NLRC5: variants seen among roughly 807,000 people sequenced by gnomAD.
The protein encoded by NLRC5 is NLR family CARD domain containing 5.
A neutral mutation model predicts 206.9 loss-of-function variants in NLRC5; 114 were observed. The ratio of observed to expected loss-of-function variants is 0.55; its 90% CI spans 0.47 to 0.64. The LOEUF (loss-of-function observed/expected upper bound fraction) is 0.64, where lower values mean the gene tolerates loss of function less well. NLRC5 is among the 30% of genes least tolerant of loss of function. NLRC5 has a pLI of 0.00. For synonymous variants in NLRC5, 952 were observed against 962.8 expected (o/e 0.99, Z 0.21); for missense variants, 2,008 against 2,305.5 (o/e 0.87, Z 2.64).
chr16:57,077,992 G>A lies in NLRC5; in HGVS notation c.5053G>A (p.Glu1685Lys). The A allele has an allele frequency of 6.2e-7, 1 of 1,610,812 alleles. No homozygotes were observed. Among genetic ancestry groups the A allele is most frequent in the South Asian group, 1.1e-5 (1 of 90,750 alleles). ...TCCCACAGCCCTGGGGCTGGCTCAG[G>A]AGCTGCCCCAGCACCTGAGGGTCCT... ...GDPTALGLAQ[E>K]LPQHLRVLHL... is the part of the protein sequence containing the mutation. Residue 1685 changes from glutamate (E) to lysine (K), a missense_variant, in exon 43 of 49, where the codon GAG becomes AAG. Physicochemically the swap from Glu to Lys is moderately conservative, Grantham distance 56 (BLOSUM62 1). Transcript: ENST00000688547.
At position 57,079,622 on chromosome 16, in the gene NLRC5, G is replaced by T. The variant is rs770542344; in HGVS notation, c.5314G>T (p.Val1772Leu). Reference sequence around the variant, plus strand: ...CTTCACGAGCTGCCCTGCCCTGGAAGTAATCTTGTGAGTGATTGGAAGAGC... The same window carrying T: ...CTTCACGAGCTGCCCTGCCCTGGAATTAATCTTGTGAGTGATTGGAAGAGC... ...SSFTSCPALEVILLSWNLLGD... is the reference protein window; with the variant it reads ...SSFTSCPALELILLSWNLLGD... The change falls in exon 46 of 49, where the codon GTA (valine) becomes TTA (leucine). Residue 1772 changes from valine (V) to leucine (L), a missense_variant. By Grantham distance (32) the Val-to-Leu change is conservative. Coordinates refer to ENST00000688547, the MANE Select transcript of NLRC5 (RefSeq NM_001384950.1). 6.2e-7 allele frequency: 1 copy of T among 1,613,844 alleles called. No individual in the cohort carries two copies. The highest frequency in any genetic ancestry group is 2.2e-5 in the East Asian group (1 of 44,874).
At chr16:57,030,408 A>ATGGT (rs1567563823) in intron 10 of NLRC5, among the ~76,000 whole-genome samples, 1 of 121,494 alleles carries the variant, frequency 8.2e-6, no homozygotes, top group Admixed American at 8.8e-5. Context: ...GGATGGATGG[A>ATGGT]TGGCTGAAAA....
rs1382259189 is a variant in NLRC5 at position 57,067,481 on chromosome 16, G to A, written c.4406+11G>A. 1 of 1,613,836 alleles carries A rather than the reference G, an allele frequency of 6.2e-7. No homozygotes were observed. On this transcript the variant is annotated intron_variant, in intron 35 of 48. Coordinates refer to ENST00000688547, the MANE Select transcript of NLRC5 (RefSeq NM_001384950.1). ...GCTGCAGCAGCTCAGGTCAGCGCCT[G>A]GAAACTCTGTGTGGGGCCCTGAGTT...
chr16:57,002,858 T>C (rs1405603998), intron 1 of NLRC5, among the ~76,000 whole-genome samples: 1 of 152,072 alleles, frequency 6.6e-6, no homozygotes, highest in Non-Finnish European at 1.5e-5. Context: ...TTGGCGAGGA[T>C]GGTCTCAATC....
intron 33 of NLRC5, 74 bp downstream of exon 33, chr16:57,065,372 T>A: frequency 2.8e-6 from 3 of 1,084,150 alleles, no homozygotes; most frequent in Non-Finnish European, 1.3e-6. Flanking sequence ...TGACCTTCCC[T>A]CATCCTGTGG....
chr16:57,030,399 G>GATGA (rs1440416382), intron 10 of NLRC5, among the ~76,000 whole-genome samples: 1 of 144,950 alleles, frequency 6.9e-6, no homozygotes, highest in Non-Finnish European at 1.5e-5. Context: ...TGGATGGATG[G>GATGA]ATGGATGGAT....
Position 57,058,996 on chromosome 16 carries a change from G to A in NLRC5, c.3855G>A (p.Gln1285=), listed in dbSNP as rs2066056553. The A allele has an allele frequency of 6.2e-7, 1 of 1,614,130 alleles. No homozygotes were observed. The highest frequency in any genetic ancestry group is 8.5e-7 in the Non-Finnish European group (1 of 1,180,002). Residue 1285 remains glutamine, a synonymous_variant, in exon 29 of 49, where the codon CAG becomes CAA. Coordinates refer to ENST00000688547, the MANE Select transcript of NLRC5 (RefSeq NM_001384950.1). ...LLDLSHNSIS[Q]ESALYLLETL... ...GTCTGAGTCACAACAGCATTTCTCA[G>A]GAAAGTGCCCTGTACCTGCTGGAGA...
At chr16:57,023,643 G>T (rs1361436961) in intron 4 of NLRC5, 142 bp from the exon 5 acceptor site, 12 of 608,868 alleles carry the variant, frequency 2.0e-5, no homozygotes, top group South Asian at 6.5e-5. Flanking sequence ...TCTGCCTGCT[G>T]CCTGCCTTTC....
In NLRC5 at chr16:57,077,023, A is replaced by T. The variant is rs1597459462; in HGVS notation, c.4835+121A>T. On this transcript the variant is annotated intron_variant, in intron 40 of 48. Coordinates refer to ENST00000688547, the MANE Select transcript of NLRC5 (RefSeq NM_001384950.1). The stretch of plus-strand genomic sequence containing the variant: ...TCTCATCTCCTTCACCCACTTCTAC[A>T]CTGTGTAAACAACCTGGGGCCTAGA... The T allele has an allele frequency of 3.4e-6, 3 of 873,060 alleles. No individual in the cohort carries two copies. In the East Asian group the frequency reaches 7.8e-5, roughly 23 times the overall value. The allele number at this position is 873,060 out of a possible 1,614,324, so 54.1% of individuals were successfully genotyped here. A position where few individuals can be genotyped will look rare whatever the true frequency, so the allele number is the denominator to read the frequency against.
intron 1 of NLRC5, among the ~76,000 whole-genome samples, chr16:57,014,840 G>T (rs541851701): frequency 6.6e-6 from 1 of 152,174 alleles, no homozygotes; most frequent in Admixed American, 6.5e-5. Context: ...TGCGCTTCCT[G>T]GTTTGCAGAC....
rs2062226414 is a variant in NLRC5, at chr16:57,034,196, G to T, written c.2572G>T (p.Asp858Tyr). ...GCAGAAGTGTCAGCTCCAGGTCCAC[G>T]ATGCGGAGGCCCTCATAGCCCTGCT... ...RLQKCQLQVH[D>Y]AEALIALLQE... The change falls in exon 13 of 49, where the codon GAT (aspartate) becomes TAT (tyrosine). Residue 858 changes from aspartate to tyrosine, a missense_variant. Physicochemically the swap from Asp to Tyr is radical, Grantham distance 160. Coordinates refer to ENST00000688547, the MANE Select transcript of NLRC5 (RefSeq NM_001384950.1). 1.9e-6 allele frequency: 3 copies of T among 1,614,136 alleles called. No individual in the cohort carries two copies. The highest frequency in any genetic ancestry group is 2.5e-6 in the Non-Finnish European group (3 of 1,179,996).
intron 1 of NLRC5, among the ~76,000 whole-genome samples, chr16:57,012,711 AATGAT>A: frequency 6.6e-6 from 1 of 152,240 alleles, no homozygotes; most frequent in African/African-American, 2.4e-5. Context: ...CCGGGGAAAA[AATGAT>A]CTCTCATGAA....
intron 11 of NLRC5, among the ~76,000 whole-genome samples, 200 bp from the exon 12 acceptor site, chr16:57,033,404 G>T (rs1224026258): frequency 6.6e-6 from 1 of 152,204 alleles, no homozygotes; most frequent in African/African-American, 2.4e-5. Context: ...TTTGAATAAA[G>T]GTTCCATTTG....
intron 22 of NLRC5, 47 bp from the exon 23 acceptor site, chr16:57,047,498 C>G: frequency 6.5e-7 from 1 of 1,534,214 alleles, no homozygotes; most frequent in Non-Finnish European, 8.9e-7. Context: ...TAGCCAGGGA[C>G]CCTGGGCTTT....
Position 57,062,059 on chromosome 16 carries a change from G to A in NLRC5, c.4154+358G>A, listed in dbSNP as rs1037344264. 4.5e-6 allele frequency: 6 copies of A among 1,319,628 alleles called. No homozygotes were observed. The African/African-American group carries it at 7.6e-5, about 17-fold the overall frequency. The allele number at this position is 1,319,628 out of a possible 1,614,324, so 81.7% of individuals were successfully genotyped here. Reference sequence around the variant, plus strand: ...ACACTCAGAAAAAGAAGATACCGAAGTAGAAAGAATAATTTTTTAAAACTC... The same window carrying A: ...ACACTCAGAAAAAGAAGATACCGAAATAGAAAGAATAATTTTTTAAAACTC... On this transcript the variant is annotated intron_variant, in intron 32 of 48. Transcript: ENST00000688547.
intron 5 of NLRC5, among the ~76,000 whole-genome samples, chr16:57,024,557 G>A (rs903078241): frequency 3.3e-5 from 5 of 152,174 alleles, no homozygotes; most frequent in Non-Finnish European, 7.3e-5. Context: ...GAATTAAAAG[G>A]TTAACATCTG....
At chr16:57,056,616 C>A (rs762649140) in intron 27 of NLRC5, among the ~76,000 whole-genome samples, 1 of 151,650 alleles carries the variant, frequency 6.6e-6, no homozygotes, top group African/African-American at 2.4e-5. Flanking sequence ...AGAAATATGT[C>A]TTTGAGTTTT....
chr16:57,076,844 G>A lies in NLRC5; in HGVS notation c.4777G>A (p.Val1593Ile). Residue 1593 changes from valine (V) to isoleucine (I), a missense_variant, in exon 40 of 49, where the codon GTC becomes ATC. Val to Ile is a conservative substitution (Grantham distance 29). Coordinates refer to ENST00000688547, the MANE Select transcript of NLRC5 (RefSeq NM_001384950.1). ...LRLNRNSIGDVGCCHLSEALR... is the reference protein window; with the variant it reads ...LRLNRNSIGDIGCCHLSEALR... The stretch of plus-strand genomic sequence containing the variant: ...ACTGAACAGGAACAGTATCGGTGAT[G>A]TCGGTTGCTGCCACCTTTCTGAGGC... The A allele has an allele frequency of 6.2e-6, 10 of 1,614,124 alleles. No homozygotes were observed. Among genetic ancestry groups the A allele is most frequent in the Non-Finnish European group, 8.5e-6 (10 of 1,180,042 alleles).
At position 57,024,102 on chromosome 16, in the gene NLRC5, C is replaced by G. The variant is rs117888608; in HGVS notation, c.424+249C>G. Among the ~76,000 whole-genome samples the G allele has an allele frequency of 1.3e-4, 20 of 152,350 alleles. 1 individual carries two copies. In the East Asian group the frequency reaches 3.9e-3, roughly 29 times the overall value. On this transcript the variant is annotated intron_variant, in intron 5 of 48. Coordinates refer to ENST00000688547, the MANE Select transcript of NLRC5 (RefSeq NM_001384950.1). ...TCTGAAGAGGGCTCCGCTGAAGGAG[C>G]TGGAAGCACCATACAGGTCTCAGCT...
Sources: allele counts gnomAD v4.1 joint callset (sites outside exome capture counted in the v4.1 genomes callset), GRCh38; gene constraint gnomAD v4.1.1; transcripts MANE v1.5; gene names NCBI Gene and HGNC (gene_info 2026-07-23, HGNC 2026-07-21).